IFI44L: variants seen among roughly 807,000 people sequenced by gnomAD.
The protein encoded by IFI44L is interferon induced protein 44 like, also known as interferon-induced protein 44-like.
IFI44L carries 40 observed loss-of-function variants against 39.3 expected under a neutral mutation model. The ratio of observed to expected loss-of-function variants is 1.02; its 90% CI spans 0.79 to 1.33. The LOEUF (loss-of-function observed/expected upper bound fraction) is 1.33. Among genes scored for constraint, IFI44L ranks in the 40% most tolerant of loss-of-function variants. The pLI, the probability that IFI44L is intolerant of heterozygous loss-of-function variation, is 0.00. For missense variants in IFI44L, 623 were observed against 549.0 expected, an observed-to-expected ratio of 1.13 and a Z score of -1.35; for synonymous variants, 198 against 182.3, an observed-to-expected ratio of 1.09 and a Z score of -0.69.
Position 78,628,350 on chromosome 1 carries a change from T to A in IFI44L, c.435T>A (p.Tyr145Ter). Residue 145 changes from tyrosine (Y) to a stop codon, truncating the protein, a stop_gained, in exon 2 of 9, where the codon TAT (tyrosine) becomes TAA (stop). Transcript: ENST00000370751. LOFTEE classifies it high-confidence loss of function. ...CAAGAAACTTGAAACTAAGGTTTTATGGCCACCGTCAGTATTTGGAATGTG... is the reference window on the plus strand; with the variant it reads ...CAAGAAACTTGAAACTAAGGTTTTAAGGCCACCGTCAGTATTTGGAATGTG... Reference protein sequence around the residue: ...MITRNLKLRFYGHRQYLECEV... With the variant: ...MITRNLKLRF 1 of 1,593,968 alleles carries A rather than the reference T, an allele frequency of 6.3e-7. No homozygotes were observed. Among genetic ancestry groups the A allele is most frequent in the Non-Finnish European group, 8.5e-7 (1 of 1,171,574 alleles).
chr1:78,631,478 T>G (rs1652747698), intron 4 of IFI44L: 1 of 152,180 alleles, frequency 6.6e-6, no homozygotes, highest in Admixed American at 6.5e-5. Context: ...CCCTTCTGGT[T>G]TGAGTGATAC....
chr1:78,621,225 A>G (rs532653521), intron 1 of IFI44L, among the ~76,000 whole-genome samples: 1 of 152,228 alleles, frequency 6.6e-6, no homozygotes, highest in Non-Finnish European at 1.5e-5. Flanking sequence ...TTTTACTTAA[A>G]TACAAAAGCA....
chr1:78,635,441 G>GC lies in IFI44L; in HGVS notation c.828_829insC (p.Asp277ArgfsTer2), dbSNP rs1473659029. The GC allele has an allele frequency of 6.2e-7, 1 of 1,613,360 alleles. No individual in the cohort carries two copies. Among genetic ancestry groups the GC allele is most frequent in the African/African-American group, 1.3e-5 (1 of 74,876 alleles). On this transcript the variant is annotated frameshift_variant, in exon 5 of 9. Transcript: ENST00000370751. LOFTEE classifies it high-confidence loss of function. The stretch of plus-strand genomic sequence containing the variant: ...GGGCAGAAGGAGCAGGACTGTGCAT[G>GC]GATGACATTCCCCACATCTTAAAAG...
chr1:78,630,247 A>G, intron 4 of IFI44L: 1 of 182,872 alleles, frequency 5.5e-6, no homozygotes, highest in Non-Finnish European at 1.1e-5. Flanking sequence ...CTGGTTTAAA[A>G]TGTTTTTCTT....
chr1:78,639,686 G>A (rs1653088842), intron 6 of IFI44L, among the ~76,000 whole-genome samples: 2 of 152,050 alleles, frequency 1.3e-5, no homozygotes, highest in African/African-American at 4.8e-5. Context: ...TACATTTAGT[G>A]TAAAGAAGAG....
intron 4 of IFI44L, among the ~76,000 whole-genome samples, chr1:78,635,072 T>C (rs1652893414): frequency 1.3e-5 from 2 of 151,402 alleles, no homozygotes; most frequent in Admixed American, 1.3e-4. Flanking sequence ...ATAAATTACA[T>C]AGAAATTTCT....
chr1:78,637,202 T>C lies in IFI44L; in HGVS notation c.1047T>C (p.Cys349=), dbSNP rs1652982170. The change falls in exon 6 of 9, where the codon TGT becomes TGC. Residue 349 remains cysteine, a splice_region_variant and synonymous_variant. Transcript: ENST00000370751. ...VKQVHKEVLN[C]GIAYVALLTK... The stretch of plus-strand genomic sequence containing the variant: ...AAGTTCACAAAGAAGTATTAAACTG[T>C]GGTGAGTCTCACTGAACTTATAAAA... 6.3e-7 allele frequency: 1 copy of C among 1,594,582 alleles called. No homozygotes were observed. Among genetic ancestry groups the C allele is most frequent in the Admixed American group, 1.8e-5 (1 of 55,054 alleles).
Position 78,620,604 on chromosome 1 carries a change from G to T in IFI44L, c.-11+33G>T, listed in dbSNP as rs529360996. ...ACTTTTTAATTGAAACATAGTATTTGTACGTATTTATGGGGTTATGTGTGA... is the reference window on the plus strand; with the variant it reads ...ACTTTTTAATTGAAACATAGTATTTTTACGTATTTATGGGGTTATGTGTGA... On this transcript the variant is annotated intron_variant, in intron 1 of 8. Coordinates refer to ENST00000370751, the MANE Select transcript of IFI44L (RefSeq NM_006820.4). The T allele has an allele frequency of 9.2e-4, 140 of 152,248 alleles. 1 individual carries two copies. The highest frequency in any genetic ancestry group is 3.3e-3 in the African/African-American group (138 of 41,538). The allele number at this position is 152,248 out of a possible 1,614,324, so 9.4% of individuals were successfully genotyped here. A position where few individuals can be genotyped will look rare whatever the true frequency, so the allele number is the denominator to read the frequency against.
chr1:78,633,509 T>A (rs1308644060), intron 4 of IFI44L, among the ~76,000 whole-genome samples: 1 of 152,152 alleles, frequency 6.6e-6, no homozygotes, highest in Non-Finnish European at 1.5e-5. Flanking sequence ...GCTGCACCAG[T>A]CACAGTGGTC....
At chr1:78,634,619 T>A (rs1369713631) in intron 4 of IFI44L, among the ~76,000 whole-genome samples, 1 of 152,112 alleles carries the variant, frequency 6.6e-6, no homozygotes, top group African/African-American at 2.4e-5. Context: ...AGGATGCTAA[T>A]AAGTAATATA....
Position 78,644,953 on chromosome 1 carries a change from G to A in IFI44L, c.*3144G>A, listed in dbSNP as rs1267212832. 1.3e-5 allele frequency: 2 copies of A among 152,146 alleles called. No homozygotes were observed. The highest frequency in any genetic ancestry group is 4.8e-5 in the African/African-American group (2 of 41,436). 9.4% of individuals were successfully genotyped at this position (152,146 alleles called of 1,614,324 possible). On this transcript the variant is annotated 3_prime_UTR_variant, in exon 9 of 9. Coordinates refer to ENST00000370751, the MANE Select transcript of IFI44L (RefSeq NM_006820.4). ...CCACCATCTACCTCAATAAAATATA[G>A]AGAAAAGAAAAATAGAGCAGTTTGA...
At chr1:78,637,641 C>T (rs951741151) in intron 6 of IFI44L, among the ~76,000 whole-genome samples, 1 of 152,102 alleles carries the variant, frequency 6.6e-6, no homozygotes, top group African/African-American at 2.4e-5. Flanking sequence ...ATCCTTAACT[C>T]TTGGCAACCA....
rs370558273 is a variant in IFI44L at position 78,639,922 on chromosome 1, T to C, written c.1049-1099T>C. On this transcript the variant is annotated intron_variant, in intron 6 of 8. Coordinates refer to ENST00000370751, the MANE Select transcript of IFI44L (RefSeq NM_006820.4). Reference sequence around the variant, plus strand: ...CTAGTTTTTAAATAGTAGTAAACTTTGACCTCGAGAAAGGTAATTTAATTG... The same window carrying C: ...CTAGTTTTTAAATAGTAGTAAACTTCGACCTCGAGAAAGGTAATTTAATTG... Among the ~76,000 whole-genome samples, 15 of 152,260 alleles carry C rather than the reference T, an allele frequency of 9.9e-5. No individual in the cohort carries two copies. In the East Asian group the frequency reaches 1.9e-3, roughly 20 times the overall value.
chr1:78,622,385 A>G (rs984930850), intron 1 of IFI44L, among the ~76,000 whole-genome samples: 6 of 152,154 alleles, frequency 3.9e-5, no homozygotes, highest in Non-Finnish European at 1.5e-5. Flanking sequence ...TCACAATAGA[A>G]AGGTTGCTGT....
At position 78,643,573 on chromosome 1, in the gene IFI44L, G is replaced by A. The variant is rs1470137084; in HGVS notation, c.*1764G>A. ...AGGTCTGGAGCTGCTGATTTGTTGG[G>A]GTATAGGGAATGAAATGAAACATAC... On this transcript the variant is annotated 3_prime_UTR_variant, in exon 9 of 9. Transcript: ENST00000370751. 1 of 151,878 alleles carries A rather than the reference G, an allele frequency of 6.6e-6. No individual in the cohort carries two copies. The highest frequency in any genetic ancestry group is 2.4e-5 in the African/African-American group (1 of 41,376). 9.4% of individuals were successfully genotyped at this position (151,878 alleles called of 1,614,324 possible).
At chr1:78,638,995 A>G (rs1217593067) in intron 6 of IFI44L, among the ~76,000 whole-genome samples, 1 of 152,122 alleles carries the variant, frequency 6.6e-6, no homozygotes, top group African/African-American at 2.4e-5. Context: ...CAGGTTTCCC[A>G]TAAGGCCTTG....
At chr1:78,634,038 C>A (rs1652850286) in intron 4 of IFI44L, among the ~76,000 whole-genome samples, 2 of 151,650 alleles carry the variant, frequency 1.3e-5, no homozygotes, top group South Asian at 2.1e-4. Flanking sequence ...AATAAAAAAA[C>A]AGAATGAAGA....
rs1346860905 is a variant in IFI44L at position 78,642,745 on chromosome 1, T to A, written c.*936T>A. 2.6e-5 allele frequency: 4 copies of A among 152,192 alleles called. No homozygotes were observed. Among genetic ancestry groups the A allele is most frequent in the Non-Finnish European group, 4.4e-5 (3 of 68,018 alleles). The allele number at this position is 152,192 out of a possible 1,614,324, so 9.4% of individuals were successfully genotyped here. A position where few individuals can be genotyped will look rare whatever the true frequency, so the allele number is the denominator to read the frequency against. ...TAATTAAAATGAGCCAACTTTTTTT[T>A]AACAATTTACATTTTATTTCTATGG... On this transcript the variant is annotated 3_prime_UTR_variant, in exon 9 of 9. Transcript: ENST00000370751.
intron 5 of IFI44L, chr1:78,635,826 T>C (rs1652930349): frequency 4.1e-6 from 1 of 246,272 alleles, no homozygotes; most frequent in African/African-American, 2.3e-5. Context: ...AGACAAAATA[T>C]TGGAACAAGT....
Sources: allele counts gnomAD v4.1 joint callset (sites outside exome capture counted in the v4.1 genomes callset), GRCh38; gene constraint gnomAD v4.1.1; transcripts MANE v1.5; gene names NCBI Gene and HGNC (gene_info 2026-07-23, HGNC 2026-07-21).